The following HLCS variants were observed in gnomAD, a reference collection of about 807,000 sequenced individuals.
The protein encoded by HLCS is biotin--protein ligase.
Under a neutral mutation model 75.0 loss-of-function variants are expected in HLCS, and 53 were observed. That is an observed-to-expected ratio of 0.71 (90% CI 0.57 to 0.89). The LOEUF is 0.89. Ranked by LOEUF, HLCS falls within the 40% of genes least tolerant of loss-of-function variation. HLCS has a pLI of 0.00. For synonymous variants in HLCS, 431 were observed against 428.6 expected, an observed-to-expected ratio of 1.01 and a Z score of -0.07; for missense variants, 966 against 1,074.0, an observed-to-expected ratio of 0.90 and a Z score of 1.41.
intron 6 of HLCS, among the ~76,000 whole-genome samples, chr21:36,847,054 A>T (rs2062823433): frequency 6.6e-6 from 1 of 152,232 alleles, no homozygotes; most frequent in African/African-American, 2.4e-5. Flanking sequence ...CTAATTTTAA[A>T]ATCTCTCCTT....
At chr21:36,767,358 G>A (rs1038524977) in intron 6 of HLCS, 73 bp from the exon 7 acceptor site, 1 of 1,455,740 alleles carries the variant, frequency 6.9e-7, no homozygotes, top group Non-Finnish European at 9.7e-7. Flanking sequence ...CACACAGGAG[G>A]GACAGGGTTT....
rs2089758376 is a variant in HLCS, at chr21:36,759,801, T to C, written c.2162A>G (p.Tyr721Cys). 1 of 1,613,516 alleles carries C rather than the reference T, an allele frequency of 6.2e-7. No individual in the cohort carries two copies. The highest frequency in any genetic ancestry group is 1.3e-5 in the African/African-American group (1 of 74,932). Residue 721 changes from tyrosine (Y) to cysteine (C), a missense_variant, in exon 9 of 11, where the codon TAC (tyrosine) becomes TGC (cysteine). Transcript: ENST00000674895. ...LRVKWPNDIY[Y>C]SDLMKIGGVL... is the part of the protein sequence containing the mutation. ...TCCGCCGATCTTCATGAGGTCACTG[T>C]AATAAATATCGTTGGGCCACTTCAC...
chr21:36,755,080 A>AT (rs565206351), intron 10 of HLCS, among the ~76,000 whole-genome samples: 33 of 151,472 alleles, frequency 2.2e-4, no homozygotes, highest in Non-Finnish European at 4.0e-4. Context: ...ACAAGCACAC[A>AT]TTTTTTTTTC....
intron 8 of HLCS, 125 bp downstream of exon 8, chr21:36,764,887 C>T: frequency 9.6e-7 from 1 of 1,037,256 alleles, no homozygotes; most frequent in East Asian, 2.4e-5. Flanking sequence ...CACTTTGCTG[C>T]CAGCTGTGCA....
chr21:36,921,482 T>C (rs2066164999), intron 5 of HLCS, among the ~76,000 whole-genome samples: 1 of 152,050 alleles, frequency 6.6e-6, no homozygotes, highest in African/African-American at 2.4e-5. Flanking sequence ...CAACTTTAAT[T>C]TTAATTTTCT....
intron 6 of HLCS, among the ~76,000 whole-genome samples, chr21:36,823,228 G>A (rs1048795802): frequency 1.3e-5 from 2 of 152,164 alleles, no homozygotes; most frequent in Non-Finnish European, 2.9e-5. Flanking sequence ...CACAATGCCT[G>A]GAAGAGAATG....
intron 6 of HLCS, among the ~76,000 whole-genome samples, chr21:36,872,758 G>T (rs1440539036): frequency 6.6e-6 from 1 of 152,144 alleles, no homozygotes; most frequent in Non-Finnish European, 1.5e-5. Context: ...GTTGCTTCCA[G>T]GTTTTGGCAA....
At chr21:36,850,432 G>C (rs2062952959) in intron 6 of HLCS, among the ~76,000 whole-genome samples, 1 of 152,154 alleles carries the variant, frequency 6.6e-6, no homozygotes, top group South Asian at 2.1e-4. Context: ...CCCCTGACCT[G>C]GTCAGGGAGT....
At chr21:36,959,968 C>A (rs897931675) in intron 2 of HLCS, among the ~76,000 whole-genome samples, 19 of 152,172 alleles carry the variant, frequency 1.2e-4, no homozygotes, top group African/African-American at 4.6e-4. Flanking sequence ...GATCTAGGGG[C>A]TCCCCAAGCC....
intron 6 of HLCS, among the ~76,000 whole-genome samples, chr21:36,833,958 A>T (rs1417957935): frequency 6.6e-6 from 1 of 152,242 alleles, no homozygotes; most frequent in Non-Finnish European, 1.5e-5. Context: ...TGTGAATGAC[A>T]CAGGTTGGAA....
intron 6 of HLCS, among the ~76,000 whole-genome samples, chr21:36,895,110 A>G (rs2064961282): frequency 6.6e-6 from 1 of 151,934 alleles, no homozygotes; most frequent in South Asian, 2.1e-4. Flanking sequence ...CCAGGACCAC[A>G]CTTCCAAGGT....
chr21:36,837,869 G>C (rs2898307), intron 6 of HLCS, among the ~76,000 whole-genome samples: 3 of 152,116 alleles, frequency 2.0e-5, no homozygotes, highest in South Asian at 4.1e-4. Context: ...ACAGCGGAGA[G>C]GGGAAGAAAT....
intron 6 of HLCS, among the ~76,000 whole-genome samples, chr21:36,891,498 G>T (rs1260828318): frequency 6.6e-6 from 1 of 152,204 alleles, no homozygotes; most frequent in Admixed American, 6.5e-5. Context: ...AATGCAGCCT[G>T]ATATGGAGGA....
At chr21:36,948,640 G>A (rs1569235116) in intron 2 of HLCS, among the ~76,000 whole-genome samples, 1 of 146,152 alleles carries the variant, frequency 6.8e-6, no homozygotes, top group African/African-American at 2.6e-5. Flanking sequence ...TAGGTGGGAG[G>A]ATGGATTGAG....
At chr21:36,783,589 C>G (rs887344796) in intron 6 of HLCS, among the ~76,000 whole-genome samples, 8 of 152,110 alleles carry the variant, frequency 5.3e-5, no homozygotes, top group African/African-American at 1.9e-4. Flanking sequence ...GGGAAAGGAA[C>G]AAAGAACTGG....
chr21:36,964,698 C>A (rs2068475709), intron 1 of HLCS, among the ~76,000 whole-genome samples: 1 of 152,142 alleles, frequency 6.6e-6, no homozygotes, highest in African/African-American at 2.4e-5. Flanking sequence ...CACAGGTAGG[C>A]AAGGGCTGAA....
chr21:36,847,900 C>T (rs1352538520), intron 6 of HLCS, among the ~76,000 whole-genome samples: 1 of 152,058 alleles, frequency 6.6e-6, no homozygotes, highest in Non-Finnish European at 1.5e-5. Flanking sequence ...ATGCAGAAAC[C>T]TTTTGTTTAT....
chr21:36,831,258 G>A (rs1375406745), intron 6 of HLCS, among the ~76,000 whole-genome samples: 1 of 152,144 alleles, frequency 6.6e-6, no homozygotes, highest in Non-Finnish European at 1.5e-5. Flanking sequence ...GGCTAAATAA[G>A]GACATGACAA....
chr21:36,827,069 T>C (rs1446199052), intron 6 of HLCS, among the ~76,000 whole-genome samples: 1 of 152,108 alleles, frequency 6.6e-6, no homozygotes, highest in East Asian at 1.9e-4. Flanking sequence ...GATAATGGCA[T>C]GCTTAAGGCG....
Sources: allele counts gnomAD v4.1 joint callset (sites outside exome capture counted in the v4.1 genomes callset), GRCh38; gene constraint gnomAD v4.1.1; transcripts MANE v1.5; gene names NCBI Gene and HGNC (gene_info 2026-07-23, HGNC 2026-07-21).